The following MAF variants were observed in gnomAD, a reference collection of about 807,000 sequenced individuals.
The protein encoded by MAF is transcription factor Maf.
A neutral mutation model predicts 22.0 loss-of-function variants in MAF; 10 were observed. The observed-to-expected ratio is 0.45, with a 90% CI of 0.28 to 0.77. MAF has a LOEUF of 0.77. Ranked by LOEUF, MAF falls within the 30% of genes least tolerant of loss-of-function variation. The probability of loss-of-function intolerance (pLI) is 0.12; values close to 1 mark genes in which losing one functional copy is unlikely to be tolerated. For synonymous variants in MAF, 337 were observed against 255.8 expected (o/e 1.32, Z -3.03); for missense variants, 544 against 548.4 (o/e 0.99, Z 0.08).
chr16:79,346,028 C>T, the MAF span, among the ~76,000 whole-genome samples: 1 of 151,904 alleles, frequency 6.6e-6, no homozygotes, highest in Non-Finnish European at 1.5e-5. Flanking sequence ...TCCGATAGGG[C>T]TCATTCTTTT....
chr16:79,219,026 A>C, the MAF span, among the ~76,000 whole-genome samples: 1 of 152,216 alleles, frequency 6.6e-6, no homozygotes, highest in Non-Finnish European at 1.5e-5. Flanking sequence ...TTTTATAAAC[A>C]TGTGCCACAC....
At chr16:79,251,316 C>CTTTTTTT in the MAF span, among the ~76,000 whole-genome samples, 1 of 131,720 alleles carries the variant, frequency 7.6e-6, no homozygotes, top group African/African-American at 2.9e-5. Context: ...AAGTCTTTAT[C>CTTTTTTT]TTTTTTTTTT....
the MAF span, among the ~76,000 whole-genome samples, chr16:79,207,424 TCTC>T: frequency 6.6e-6 from 1 of 152,236 alleles, no homozygotes; most frequent in Non-Finnish European, 1.5e-5. Context: ...AAAGGGCTGT[TCTC>T]CTTCCCTGCT....
At chr16:79,573,242 T>C in the MAF span, among the ~76,000 whole-genome samples, 10 of 152,366 alleles carry the variant, frequency 6.6e-5, no homozygotes, top group Admixed American at 4.6e-4. Context: ...TTTGTTTTGT[T>C]GTGCTTTTGC....
the MAF span, among the ~76,000 whole-genome samples, chr16:79,427,347 G>C: frequency 1.3e-5 from 2 of 152,198 alleles, no homozygotes; most frequent in East Asian, 3.9e-4. Flanking sequence ...CCATATCCTG[G>C]GGTGCCCCAA....
At chr16:79,341,340 C>T in the MAF span, among the ~76,000 whole-genome samples, 1 of 152,150 alleles carries the variant, frequency 6.6e-6, no homozygotes, top group East Asian at 1.9e-4. Context: ...TAAATGAGCT[C>T]ATGCTGTGAA....
At chr16:79,212,007 G>A in the MAF span, 77,985 of 1,536,044 alleles carry the variant, frequency 0.051, 2,638 homozygotes, top group African/African-American at 0.16. Context: ...GGCTGGGCTA[G>A]GCATAGGTCT....
At chr16:79,203,086 C>T in the MAF span, 1 of 152,350 alleles carries the variant, frequency 6.6e-6, no homozygotes, top group South Asian at 2.1e-4. Context: ...CAACAGCACA[C>T]ACGATCATTT....
chr16:79,370,175 AAGG>A, the MAF span, among the ~76,000 whole-genome samples: 2 of 152,172 alleles, frequency 1.3e-5, no homozygotes, highest in African/African-American at 4.8e-5. Flanking sequence ...TAGGTGGTAA[AAGG>A]AGTAGTCTTA....
the MAF span, among the ~76,000 whole-genome samples, chr16:79,506,036 A>T: frequency 1.8e-4 from 28 of 152,164 alleles, 1 homozygote; most frequent in Admixed American, 1.0e-3. Flanking sequence ...AAGAAGAGGG[A>T]GGAGAAGTCG....
chr16:79,525,255 G>C, the MAF span, among the ~76,000 whole-genome samples: 1 of 152,070 alleles, frequency 6.6e-6, no homozygotes, highest in South Asian at 2.1e-4. Flanking sequence ...CAGCTTCTCT[G>C]CCTCCCCCAA....
chr16:79,563,926 G>A, the MAF span, among the ~76,000 whole-genome samples: 1 of 152,216 alleles, frequency 6.6e-6, no homozygotes, highest in Non-Finnish European at 1.5e-5. Flanking sequence ...GATCACCTGT[G>A]ATCATTTTTG....
the MAF span, among the ~76,000 whole-genome samples, chr16:79,465,028 G>A: frequency 6.6e-6 from 1 of 152,212 alleles, no homozygotes; most frequent in African/African-American, 2.4e-5. Context: ...TAGTCATCCA[G>A]ATCTCAAACA....
At chr16:79,297,196 G>C in the MAF span, among the ~76,000 whole-genome samples, 1 of 152,170 alleles carries the variant, frequency 6.6e-6, no homozygotes, top group South Asian at 2.1e-4. Flanking sequence ...TAATATTATG[G>C]GGTAGCAAAG....
downstream of MAF, among the ~76,000 whole-genome samples, chr16:79,589,901 C>T (rs887736018): frequency 2.6e-5 from 4 of 152,178 alleles, no homozygotes; most frequent in Non-Finnish European, 1.5e-5. Context: ...AGGGGCGCTG[C>T]GTTGCTGGCG....
the MAF span, among the ~76,000 whole-genome samples, chr16:79,271,517 C>T: frequency 6.6e-6 from 1 of 152,172 alleles, no homozygotes; most frequent in Non-Finnish European, 1.5e-5. Flanking sequence ...TCCCTCTGTC[C>T]TCTGTAAGTA....
At chr16:79,298,760 G>A in the MAF span, among the ~76,000 whole-genome samples, 77 of 152,364 alleles carry the variant, frequency 5.1e-4, 2 homozygotes, top group East Asian at 0.012. Flanking sequence ...AGGGCAGAGC[G>A]GACGTGACGG....
chr16:79,459,071 A>G, the MAF span, among the ~76,000 whole-genome samples: 1 of 152,190 alleles, frequency 6.6e-6, no homozygotes, highest in African/African-American at 2.4e-5. Flanking sequence ...CATGTATGCA[A>G]TCTCATCTAT....
chr16:79,304,283 C>T, the MAF span, among the ~76,000 whole-genome samples: 2 of 152,302 alleles, frequency 1.3e-5, no homozygotes, highest in Middle Eastern at 6.8e-3. Context: ...TCCAGGCAAG[C>T]AGCCCCTCCA....
Sources: allele counts gnomAD v4.1 joint callset (sites outside exome capture counted in the v4.1 genomes callset), GRCh38; gene constraint gnomAD v4.1.1; transcripts MANE v1.5; gene names NCBI Gene and HGNC (gene_info 2026-07-23, HGNC 2026-07-21).